The following GSG1 variants were observed in gnomAD, a reference collection of about 807,000 sequenced individuals.
GSG1 encodes the protein germ cell-specific gene 1 protein.
A neutral mutation model predicts 30.8 loss-of-function variants in GSG1; 28 were observed. The ratio of observed to expected loss-of-function variants is 0.91; its 90% CI spans 0.67 to 1.25. The LOEUF (loss-of-function observed/expected upper bound fraction) is 1.25. Among genes scored for constraint, GSG1 ranks in the 50% most tolerant of loss-of-function variants. The probability of loss-of-function intolerance (pLI) is 0.00; values close to 1 mark genes in which losing one functional copy is unlikely to be tolerated. For synonymous variants in GSG1, 162 were observed against 178.0 expected (o/e 0.91, Z 0.71); for missense variants, 435 against 444.7 (o/e 0.98, Z 0.20).
Position 13,084,819 on chromosome 12 carries a change from C to T in GSG1, c.*82G>A, listed in dbSNP as rs1026296483. 32 of 891,558 alleles carry T rather than the reference C, an allele frequency of 3.6e-5. No individual in the cohort carries two copies. Among genetic ancestry groups the T allele is most frequent in the African/African-American group, 2.5e-4 (15 of 59,086 alleles). 55.2% of individuals were successfully genotyped at this position (891,558 alleles called of 1,614,324 possible). Reference sequence around the variant, plus strand: ...GCCTCTAAAAACCATGCTCAAGAGACGGATGTTGGCTTAAGCACATGTTGA... The same window carrying T: ...GCCTCTAAAAACCATGCTCAAGAGATGGATGTTGGCTTAAGCACATGTTGA... On this transcript the variant is annotated 3_prime_UTR_variant, in exon 7 of 7. Transcript: ENST00000651961.
At position 13,098,456 on chromosome 12, in the gene GSG1, A is replaced by AT. The variant is rs771887535; in HGVS notation, c.48+5008dup. On this transcript the variant is annotated intron_variant, in intron 1 of 6. Coordinates refer to ENST00000651961, the MANE Select transcript of GSG1 (RefSeq NM_001080555.4). Reference sequence around the variant, plus strand: ...CTTGTAGGATTGTTTCATGTAGCCCATTTTTTTTTTTTTTTTTTTTTTTTT... The same window carrying AT: ...CTTGTAGGATTGTTTCATGTAGCCCATTTTTTTTTTTTTTTTTTTTTTTTTT... Among the ~76,000 whole-genome samples, 176 of 47,390 alleles carry AT rather than the reference A, an allele frequency of 3.7e-3. 50 individuals are homozygous for AT. Among genetic ancestry groups the AT allele is most frequent in the Non-Finnish European group, 5.0e-3 (130 of 26,094 alleles). 31.1% of individuals were successfully genotyped at this position (47,390 alleles called of 152,430 possible). A position where few individuals can be genotyped will look rare whatever the true frequency, so the allele number is the denominator to read the frequency against.
intron 5 of GSG1, 141 bp downstream of exon 5, chr12:13,087,766 A>G: frequency 1.3e-6 from 1 of 782,042 alleles, no homozygotes; most frequent in Non-Finnish European, 2.0e-6. Context: ...TGTTACTTCA[A>G]TTTAAAATTA....
At position 13,099,763 on chromosome 12, in the gene GSG1, T is replaced by G. The variant is rs577275239; in HGVS notation, c.48+3702A>C. On this transcript the variant is annotated intron_variant, in intron 1 of 6. Transcript: ENST00000651961. ...GTGTTTTTTTTTGTTTTTTTTTTTT[T>G]TTTTTGTTTTTTCTTCATGTCATCC... Among the ~76,000 whole-genome samples, 124 of 148,670 alleles carry G rather than the reference T, an allele frequency of 8.3e-4. 3 individuals are homozygous for G. The South Asian group carries it at 0.019, about 23-fold the overall frequency.
rs1313944193 is a variant in GSG1 at position 13,090,765 on chromosome 12, G to A, written c.102C>T (p.Leu34=). 13 of 1,614,092 alleles carry A rather than the reference G, an allele frequency of 8.1e-6. No homozygotes were observed. The highest frequency in any genetic ancestry group is 2.7e-5 in the African/African-American group (2 of 74,938). ...TGGAGAAGCTGAGTGATAGCATGCT[G>A]AGGATGGCAGATAGGAGTGTCCGCT... ...SGQRTLLSAI[L]SMLSLSFSTT... is the part of the protein sequence containing the mutation. Residue 34 remains leucine (L), a synonymous_variant, in exon 2 of 7, where the codon CTC becomes CTT. Coordinates refer to ENST00000651961, the MANE Select transcript of GSG1 (RefSeq NM_001080555.4).
intron 1 of GSG1, among the ~76,000 whole-genome samples, chr12:13,095,316 T>A (rs1156946508): frequency 6.6e-6 from 1 of 152,192 alleles, no homozygotes; most frequent in Non-Finnish European, 1.5e-5. Context: ...AACAACTCTA[T>A]CTTTGTGTAT....
chr12:13,088,864 C>G lies in GSG1; in HGVS notation c.479G>C (p.Arg160Thr). ...AAATTCCAGTAGTCCTTTCTCACCTCTCTTGGCTGGTGGTGTAAGTTCAAT... is the reference window on the plus strand; with the variant it reads ...AAATTCCAGTAGTCCTTTCTCACCTGTCTTGGCTGGTGGTGTAAGTTCAAT... The part of the protein sequence containing the change: ...SFIELTPPAK[R>T]EILWLSLGTQ... Residue 160 changes from arginine to threonine, a missense_variant and splice_region_variant, in exon 4 of 7, where the codon AGA becomes ACA. Transcript: ENST00000651961. The G allele has an allele frequency of 6.2e-7, 1 of 1,614,198 alleles. No homozygotes were observed. Among genetic ancestry groups the G allele is most frequent in the Non-Finnish European group, 8.5e-7 (1 of 1,180,032 alleles).
chr12:13,099,750 G>GTTTTTGTTTTTTT (rs1863023679), intron 1 of GSG1, among the ~76,000 whole-genome samples: 1 of 114,834 alleles, frequency 8.7e-6, no homozygotes, highest in African/African-American at 3.1e-5. Context: ...GTTTTTTTTT[G>GTTTTTGTTTTTTT]TTTTTTTTTT....
intron 6 of GSG1, among the ~76,000 whole-genome samples, chr12:13,085,808 T>G (rs1320826625): frequency 6.6e-6 from 1 of 152,126 alleles, no homozygotes; most frequent in African/African-American, 2.4e-5. Flanking sequence ...AGGAAAACAT[T>G]TACTACAAAT....
At chr12:13,103,419 A>G (rs10772620) in intron 1 of GSG1, 46 bp downstream of exon 1, 444,385 of 1,344,192 alleles carry the variant, frequency 0.33, 85,176 homozygotes, top group East Asian at 0.75. Flanking sequence ...AGCAGTAAAG[A>G]TATGTGTATG....
intron 4 of GSG1, among the ~76,000 whole-genome samples, chr12:13,088,285 CTG>C (rs139756283): frequency 0.13 from 19,094 of 152,180 alleles, 1,764 homozygotes; most frequent in East Asian, 0.3. Flanking sequence ...GCTTGACTGA[CTG>C]TAAATACTGT....
Position 13,088,908 on chromosome 12 carries a change from C to G in GSG1, c.435G>C (p.Gly145=). The G allele has an allele frequency of 6.2e-7, 1 of 1,614,118 alleles. No individual in the cohort carries two copies. Residue 145 remains glycine, a splice_region_variant and synonymous_variant, in exon 4 of 7, where the codon GGG becomes GGC. Transcript: ENST00000651961. ...GTTCAATGAAACTTCGGCACCTCTC[C>G]CCTGAAACATACAAGGTACAACGTC... ...LRSSGTAAAK[G]ERCRSFIELT...
Position 13,103,532 on chromosome 12 carries a change from G to A in GSG1, c.-20C>T, listed in dbSNP as rs1203447300. ...GCTCATTCACTCTTGCAGCGGGAAG[G>A]CAGAGAAGTTTCAGTTTATCTTCTG... On this transcript the variant is annotated 5_prime_UTR_variant, in exon 1 of 7. Transcript: ENST00000651961. The A allele has an allele frequency of 1.1e-5, 17 of 1,613,714 alleles. No individual in the cohort carries two copies. Among genetic ancestry groups the A allele is most frequent in the Middle Eastern group, 3.3e-4 (2 of 6,084 alleles).
At chr12:13,098,017 C>T (rs1337841670) in intron 1 of GSG1, among the ~76,000 whole-genome samples, 1 of 152,178 alleles carries the variant, frequency 6.6e-6, no homozygotes, top group African/African-American at 2.4e-5. Flanking sequence ...CTGATGTTAA[C>T]AAGCAAATTT....
At chr12:13,095,528 T>G in intron 1 of GSG1, 3 of 1,440,786 alleles carry the variant, frequency 2.1e-6, no homozygotes, top group Non-Finnish European at 2.9e-6. Context: ...GCAGGTGCAC[T>G]TCTTAAAAGA....
chr12:13,099,750 G>GTTTGT (rs1395949902), intron 1 of GSG1, among the ~76,000 whole-genome samples: 2 of 114,834 alleles, frequency 1.7e-5, no homozygotes, highest in Non-Finnish European at 3.6e-5. Context: ...GTTTTTTTTT[G>GTTTGT]TTTTTTTTTT....
chr12:13,098,455 C>CTTT (rs1862903418), intron 1 of GSG1, among the ~76,000 whole-genome samples: 3 of 71,842 alleles, frequency 4.2e-5, no homozygotes, highest in Non-Finnish European at 6.2e-5. Flanking sequence ...TCATGTAGCC[C>CTTT]ATTTTTTTTT....
rs1863227019 is a variant in GSG1 at position 13,101,788 on chromosome 12, G to C, written c.48+1677C>G. On this transcript the variant is annotated intron_variant, in intron 1 of 6. Transcript: ENST00000651961. The surrounding 1 kb of genome is among the most constrained non-coding windows in gnomAD (Gnocchi z 5.8). Reference sequence around the variant, plus strand: ...CCCGTTCTAAGGGAAGGGGATGTCTGCGTCTCATTGGGAAGACCCCAGGGC... The same window carrying C: ...CCCGTTCTAAGGGAAGGGGATGTCTCCGTCTCATTGGGAAGACCCCAGGGC... Among the ~76,000 whole-genome samples the C allele has an allele frequency of 6.6e-6, 1 of 152,218 alleles. No homozygotes were observed. Among genetic ancestry groups the C allele is most frequent in the Admixed American group, 6.5e-5 (1 of 15,288 alleles).
intron 1 of GSG1, among the ~76,000 whole-genome samples, chr12:13,091,042 C>T (rs1030109405): frequency 2.6e-5 from 4 of 152,300 alleles, no homozygotes; most frequent in South Asian, 2.1e-4. Context: ...GAAAACCATA[C>T]GCCCAAATGG....
At position 13,088,052 on chromosome 12, in the gene GSG1, T is replaced by C; in HGVS notation, c.489A>G (p.Leu163=). ...ELTPPAKREI[L]WLSLGTQITY... Reference sequence around the variant, plus strand: ...TGATCTGCGTTCCCAGGGATAACCATAGGATTTCTGCCAGAAACCAGAGGA... The same window carrying C: ...TGATCTGCGTTCCCAGGGATAACCACAGGATTTCTGCCAGAAACCAGAGGA... Residue 163 remains leucine (L), a synonymous_variant, in exon 5 of 7, where the codon CTA becomes CTG. Coordinates refer to ENST00000651961, the MANE Select transcript of GSG1 (RefSeq NM_001080555.4). 2 of 1,614,150 alleles carry C rather than the reference T, an allele frequency of 1.2e-6. No homozygotes were observed. The highest frequency in any genetic ancestry group is 1.7e-5 in the Admixed American group (1 of 60,018).
Sources: gnomAD v4.1 joint callset for allele counts (sites outside exome capture counted in the v4.1 genomes callset) on GRCh38, gnomAD v4.1.1 for gene constraint, Gnocchi (gnomAD v3.1) non-coding constraint, MANE v1.5 for transcripts, NCBI Gene and HGNC (gene_info 2026-07-23, HGNC 2026-07-21) for gene names.